STON2: variants seen among roughly 807,000 people sequenced by gnomAD.
The protein encoded by STON2 is stonin-2.
A neutral mutation model predicts 65.7 loss-of-function variants in STON2; 29 were observed. The ratio of observed to expected loss-of-function variants is 0.44; its 90% CI spans 0.33 to 0.60. The LOEUF (loss-of-function observed/expected upper bound fraction) is 0.60. Ranked by LOEUF, STON2 falls within the 20% of genes least tolerant of loss-of-function variation. The pLI is 0.03. For missense variants in STON2, 1,054 were observed against 1,118.1 expected (o/e 0.94, Z 0.82); for synonymous variants, 404 against 414.2 (o/e 0.98, Z 0.30).
At chr14:81,418,712 T>C (rs1451594284) in intron 2 of STON2, among the ~76,000 whole-genome samples, 2 of 152,226 alleles carry the variant, frequency 1.3e-5, no homozygotes, top group Non-Finnish European at 2.9e-5. Context: ...ACAAATTCTC[T>C]GAATGACCAC....
intron 3 of STON2, among the ~76,000 whole-genome samples, chr14:81,372,130 C>G (rs1264790107): frequency 6.6e-6 from 1 of 152,140 alleles, no homozygotes; most frequent in East Asian, 1.9e-4. Context: ...GTCTTGAGAA[C>G]CAAATCAGAC....
At chr14:81,303,114 G>A (rs1480702417) in intron 5 of STON2, among the ~76,000 whole-genome samples, 13 of 151,778 alleles carry the variant, frequency 8.6e-5, no homozygotes, top group Admixed American at 8.5e-4. Context: ...AAATGAGAAT[G>A]AGAATAAGAA....
At chr14:81,311,900 A>G (rs1361266829) in intron 5 of STON2, among the ~76,000 whole-genome samples, 1 of 152,232 alleles carries the variant, frequency 6.6e-6, no homozygotes, top group Non-Finnish European at 1.5e-5. Context: ...ATATTGCCCA[A>G]TGAGACATGT....
At chr14:81,378,639 T>A (rs1025875821) in intron 3 of STON2, among the ~76,000 whole-genome samples, 4 of 152,256 alleles carry the variant, frequency 2.6e-5, no homozygotes, top group Admixed American at 6.5e-5. Flanking sequence ...GCTACACATA[T>A]ATTTTGTTTA....
chr14:81,371,684 A>AAAAAAAAG (rs1899003077), intron 3 of STON2, among the ~76,000 whole-genome samples: 1 of 151,088 alleles, frequency 6.6e-6, no homozygotes, highest in Non-Finnish European at 1.5e-5. Context: ...TCTAAAAAAA[A>AAAAAAAAG]AAAAAAAGAA....
chr14:81,300,703 G>A (rs6574638), intron 5 of STON2, among the ~76,000 whole-genome samples: 124,394 of 152,104 alleles, frequency 0.82, 51,138 homozygotes, highest in African/African-American at 0.89. Context: ...TAGGACTCTC[G>A]TGCGTCATTG....
Position 81,395,930 on chromosome 14 carries a change from T to C in STON2, c.337A>G (p.Ser113Gly). Residue 113 changes from serine to glycine, a missense_variant, in exon 3 of 8, where the codon AGC becomes GGC. Coordinates refer to ENST00000614646, the MANE Select transcript of STON2 (RefSeq NM_001394390.1). ...VQFEDDTPWA[S>G]TSPPHQETAE... The stretch of plus-strand genomic sequence containing the variant: ...GTTTCCTGATGAGGTGGAGATGTGC[T>C]GGCCCAGGGTGTGTCATCTTCAAAC... 6.2e-7 allele frequency: 1 copy of C among 1,614,134 alleles called. No individual in the cohort carries two copies. Among genetic ancestry groups the C allele is most frequent in the Non-Finnish European group, 8.5e-7 (1 of 1,180,014 alleles).
In STON2 at chr14:81,413,315, T is replaced by C. The variant is rs1006620964; in HGVS notation, c.-199+13787A>G. 4.8e-6 allele frequency: 6 copies of C among 1,241,702 alleles called. 1 individual carries two copies. The highest frequency in any genetic ancestry group is 3.0e-4 in the Middle Eastern group (1 of 3,324). The allele number at this position is 1,241,702 out of a possible 1,614,324, so 76.9% of individuals were successfully genotyped here. ...AGCCTAAATTCCAAATACCAGAGACTGAAATTTTCAGCCTTGCTAAGGGAA... is the reference window on the plus strand; with the variant it reads ...AGCCTAAATTCCAAATACCAGAGACCGAAATTTTCAGCCTTGCTAAGGGAA... On this transcript the variant is annotated intron_variant, in intron 2 of 8. Coordinates refer to the STON2 transcript ENST00000553821.
intron 4 of STON2, among the ~76,000 whole-genome samples, chr14:81,346,997 G>A (rs1897833410): frequency 6.6e-6 from 1 of 151,754 alleles, no homozygotes; most frequent in Non-Finnish European, 1.5e-5. Flanking sequence ...TGCATCTCAA[G>A]GAACTACGAA....
chr14:81,289,355 T>C (rs1383069803), intron 5 of STON2, among the ~76,000 whole-genome samples: 1 of 152,072 alleles, frequency 6.6e-6, no homozygotes, highest in Admixed American at 6.5e-5. Context: ...GTTGCAATAG[T>C]TAGAAGACAG....
At chr14:81,300,731 T>TA (rs1895938932) in intron 5 of STON2, among the ~76,000 whole-genome samples, 1 of 152,198 alleles carries the variant, frequency 6.6e-6, no homozygotes, top group South Asian at 2.1e-4. Flanking sequence ...TATAAAATGG[T>TA]AAAATCACAT....
At chr14:81,373,999 CTTTTTTTTTTT>C (rs57877137) in intron 3 of STON2, among the ~76,000 whole-genome samples, 15 of 60,470 alleles carry the variant, frequency 2.5e-4, no homozygotes, top group Admixed American at 1.2e-3. Flanking sequence ...ATAATAATGC[CTTTTTTTTTTT>C]TTTTTTTTTT....
Position 81,268,265 on chromosome 14 carries a change from A to G in STON2, c.*149T>C, listed in dbSNP as rs1444333864. 11 of 1,151,338 alleles carry G rather than the reference A, an allele frequency of 9.6e-6. No individual in the cohort carries two copies. The highest frequency in any genetic ancestry group is 1.2e-5 in the Non-Finnish European group (11 of 924,010). The allele number at this position is 1,151,338 out of a possible 1,614,324, so 71.3% of individuals were successfully genotyped here. ...CCTGGTAAAATACAAGTAACTGCAAACAGGAAGATCTGGTATACTGTTCCC... is the reference window on the plus strand; with the variant it reads ...CCTGGTAAAATACAAGTAACTGCAAGCAGGAAGATCTGGTATACTGTTCCC... On this transcript the variant is annotated 3_prime_UTR_variant, in exon 8 of 8. Coordinates refer to ENST00000614646, the MANE Select transcript of STON2 (RefSeq NM_001394390.1).
intron 5 of STON2, among the ~76,000 whole-genome samples, chr14:81,285,224 T>C (rs1025521715): frequency 3.2e-4 from 49 of 152,168 alleles, no homozygotes; most frequent in Admixed American, 9.2e-4. Flanking sequence ...CTCTGATGGA[T>C]TGGGGCAAAG....
rs1241237606 is a variant in STON2, at chr14:81,398,466, T to C, written c.-84A>G. ...TCTGGGGTGGGCTGGAGTAGGGGTA[T>C]GGTAGTACGGTAGACTTGGGTCCAG... On this transcript the variant is annotated 5_prime_UTR_variant, in exon 2 of 8. Transcript: ENST00000614646. The C allele has an allele frequency of 9.3e-7, 1 of 1,071,632 alleles. No individual in the cohort carries two copies. Among genetic ancestry groups the C allele is most frequent in the Non-Finnish European group, 1.4e-6 (1 of 696,854 alleles). 66.4% of individuals were successfully genotyped at this position (1,071,632 alleles called of 1,614,324 possible). A position where few individuals can be genotyped will look rare whatever the true frequency, so the allele number is the denominator to read the frequency against.
upstream of STON2, among the ~76,000 whole-genome samples, chr14:81,405,306 A>C (rs78650081): frequency 0.043 from 6,602 of 151,834 alleles, 506 homozygotes; most frequent in African/African-American, 0.15. Context: ...TTATAATGTT[A>C]TTTTACAGTT....
chr14:81,303,934 A>G (rs1896069519), intron 5 of STON2, among the ~76,000 whole-genome samples: 1 of 152,152 alleles, frequency 6.6e-6, no homozygotes, highest in Admixed American at 6.5e-5. Flanking sequence ...CAGATCAAGA[A>G]ACAATTGCCT....
At chr14:81,367,485 G>C (rs1186947375) in intron 4 of STON2, among the ~76,000 whole-genome samples, 1 of 151,938 alleles carries the variant, frequency 6.6e-6, no homozygotes, top group African/African-American at 2.4e-5. Context: ...ACAAATGAAA[G>C]CATTTTTAAA....
Position 81,264,119 on chromosome 14 carries a change from G to A in STON2, c.*4295C>T. On this transcript the variant is annotated 3_prime_UTR_variant, in exon 8 of 8. Transcript: ENST00000614646. ...GGCTCATGGATCTGTTTGACTTGCA[G>A]GAACAAAGCAATCAATCACCGTGAC... 3.0e-6 allele frequency: 3 copies of A among 985,430 alleles called. No homozygotes were observed. Among genetic ancestry groups the A allele is most frequent in the Non-Finnish European group, 3.6e-6 (3 of 829,938 alleles). 61.0% of individuals were successfully genotyped at this position (985,430 alleles called of 1,614,324 possible). A position where few individuals can be genotyped will look rare whatever the true frequency, so the allele number is the denominator to read the frequency against.
Sources: allele counts gnomAD v4.1 joint callset (sites outside exome capture counted in the v4.1 genomes callset), GRCh38; gene constraint gnomAD v4.1.1; transcripts MANE v1.5; gene names NCBI Gene and HGNC (gene_info 2026-07-23, HGNC 2026-07-21).